Variants in COLEC10 observed in about 807,000 individuals in gnomAD.
COLEC10 encodes collectin subfamily member 10, also known as collectin-10.
Under a neutral mutation model 28.4 loss-of-function variants are expected in COLEC10, and 22 were observed. That is an observed-to-expected ratio of 0.78 (90% CI 0.55 to 1.11). The LOEUF (loss-of-function observed/expected upper bound fraction) is 1.11, where lower values mean the gene tolerates loss of function less well. Among genes scored for constraint, COLEC10 ranks in the 50% least tolerant of loss-of-function variants. The pLI, the probability that COLEC10 is intolerant of heterozygous loss-of-function variation, is 0.00. For missense variants in COLEC10, 361 were observed against 344.1 expected, an observed-to-expected ratio of 1.05 and a Z score of -0.39; for synonymous variants, 125 against 116.1, an observed-to-expected ratio of 1.08 and a Z score of -0.49.
At chr8:119,009,564 A>C (rs1236779256) in intron 2 of COLEC10, 1 of 150,912 alleles carries the variant, frequency 6.6e-6, no homozygotes, top group Non-Finnish European at 1.5e-5. Context: ...GTAAGAAATA[A>C]ATTTCTTCAT....
intron 1 of COLEC10, among the ~76,000 whole-genome samples, chr8:119,003,710 G>T (rs943807052): frequency 6.6e-6 from 1 of 152,006 alleles, no homozygotes; most frequent in Non-Finnish European, 1.5e-5. Context: ...CTTCCTGTTT[G>T]ATTTTGGTTG....
the COLEC10 span, among the ~76,000 whole-genome samples, chr8:118,958,668 T>C: frequency 1.3e-5 from 2 of 152,238 alleles, no homozygotes; most frequent in Non-Finnish European, 2.9e-5. Context: ...GTGGGGAAAC[T>C]GATTTGGAAT....
chr8:118,952,372 G>T, the COLEC10 span, among the ~76,000 whole-genome samples: 3 of 152,184 alleles, frequency 2.0e-5, no homozygotes, highest in Non-Finnish European at 4.4e-5. Flanking sequence ...CTCGCTGGGC[G>T]AAAGCTGTGA....
At chr8:119,040,659 C>T (rs1438915535) in intron 2 of COLEC10, among the ~76,000 whole-genome samples, 2 of 152,118 alleles carry the variant, frequency 1.3e-5, no homozygotes, top group African/African-American at 4.8e-5. Flanking sequence ...GGAAGACATA[C>T]AATCAAGGCT....
intron 3 of COLEC10, 30 bp downstream of exon 3, chr8:119,091,250 C>T (rs1203781836): frequency 6.5e-7 from 1 of 1,548,826 alleles, no homozygotes. Flanking sequence ...TCTCCAGTAG[C>T]AATTCAAAGC....
At chr8:119,089,638 T>C in intron 1 of COLEC10, 42 bp from the exon 2 acceptor site, 5 of 1,479,994 alleles carry the variant, frequency 3.4e-6, no homozygotes, top group Non-Finnish European at 4.7e-6. Context: ...CTCATGTTAC[T>C]GTTTGAGATG....
the COLEC10 span, among the ~76,000 whole-genome samples, chr8:118,980,041 C>T: frequency 6.6e-6 from 1 of 152,036 alleles, no homozygotes; most frequent in Admixed American, 6.6e-5. Context: ...ACAAAAGCCA[C>T]AGTCTTCTTA....
chr8:119,018,633 T>G (rs989350204), intron 2 of COLEC10, among the ~76,000 whole-genome samples: 9 of 152,232 alleles, frequency 5.9e-5, no homozygotes, highest in African/African-American at 2.2e-4. Context: ...GTGACTTGAT[T>G]TTTAGGTTGA....
At chr8:119,097,458 C>T (rs1399784297) in intron 3 of COLEC10, among the ~76,000 whole-genome samples, 1 of 152,006 alleles carries the variant, frequency 6.6e-6, no homozygotes, top group African/African-American at 2.4e-5. Context: ...CACAATAATT[C>T]ATTCATTGAC....
At chr8:119,074,884 C>T (rs1815196086) in intron 1 of COLEC10, among the ~76,000 whole-genome samples, 1 of 152,142 alleles carries the variant, frequency 6.6e-6, no homozygotes, top group African/African-American at 2.4e-5. Context: ...GAAAACTGAA[C>T]CTCAGATTTC....
intron 1 of COLEC10, chr8:119,009,302 G>T (rs1020055877): frequency 6.6e-6 from 1 of 150,982 alleles, no homozygotes; most frequent in African/African-American, 2.5e-5. Context: ...TTTGGAAGTG[G>T]TGCCTGTGAG....
At chr8:119,045,392 C>T (rs1375634193) in intron 2 of COLEC10, among the ~76,000 whole-genome samples, 1 of 152,176 alleles carries the variant, frequency 6.6e-6, no homozygotes, top group Non-Finnish European at 1.5e-5. Context: ...TGGCTTTCTC[C>T]CCAACTGGTT....
At chr8:118,980,878 T>C in the COLEC10 span, among the ~76,000 whole-genome samples, 5 of 152,076 alleles carry the variant, frequency 3.3e-5, no homozygotes, top group Non-Finnish European at 7.4e-5. Flanking sequence ...TTTTTTTGTT[T>C]TTGTTTTTGT....
At chr8:118,991,474 G>A (rs1370806246), upstream of COLEC10, among the ~76,000 whole-genome samples, 1 of 152,114 alleles carries the variant, frequency 6.6e-6, no homozygotes, top group Non-Finnish European at 1.5e-5. Context: ...TGAAGATAAA[G>A]TCACTGAAAC....
the COLEC10 span, among the ~76,000 whole-genome samples, chr8:118,966,912 AT>A: frequency 6.6e-6 from 1 of 152,104 alleles, no homozygotes; most frequent in Non-Finnish European, 1.5e-5. Context: ...GCCAGGTACC[AT>A]ATTTCTATTG....
intron 2 of COLEC10, among the ~76,000 whole-genome samples, chr8:119,028,249 A>G (rs1423546802): frequency 6.6e-6 from 1 of 152,204 alleles, no homozygotes; most frequent in East Asian, 1.9e-4. Flanking sequence ...TTTGATACAT[A>G]TCATATATTA....
intron 1 of COLEC10, 139 bp downstream of exon 1, chr8:119,067,568 A>C: frequency 2.6e-6 from 2 of 756,768 alleles, no homozygotes; most frequent in Non-Finnish European, 4.2e-6. Context: ...TTGGAAAATC[A>C]GGATTTTCCA....
intron 2 of COLEC10, among the ~76,000 whole-genome samples, chr8:119,014,553 C>T (rs1206893696): frequency 6.7e-6 from 1 of 150,162 alleles, no homozygotes; most frequent in Non-Finnish European, 1.5e-5. Flanking sequence ...TTTTGTTTGT[C>T]TGCTTGACAT....
intron 2 of COLEC10, among the ~76,000 whole-genome samples, chr8:119,059,524 G>A (rs549848154): frequency 6.6e-6 from 1 of 152,122 alleles, no homozygotes; most frequent in African/African-American, 2.4e-5. Context: ...ATGTGAGAAT[G>A]TATTTCTGGG....
Sources: gnomAD v4.1 joint callset for allele counts (sites outside exome capture counted in the v4.1 genomes callset) on GRCh38, gnomAD v4.1.1 for gene constraint, MANE v1.5 for transcripts, NCBI Gene and HGNC (gene_info 2026-07-23, HGNC 2026-07-21) for gene names.